The following MEGF11 variants were observed in gnomAD, a reference collection of about 807,000 sequenced individuals.
The protein encoded by MEGF11 is multiple EGF like domains 11.
Under a neutral mutation model 146.6 loss-of-function variants are expected in MEGF11, and 126 were observed. The ratio of observed to expected loss-of-function variants is 0.86; its 90% CI spans 0.74 to 1.00. MEGF11 has a LOEUF of 1.00. MEGF11 is among the 50% of genes least tolerant of loss of function. MEGF11 has a pLI of 0.00. For synonymous variants in MEGF11, 532 were observed against 583.4 expected (o/e 0.91, Z 1.27); for missense variants, 1,509 against 1,521.2 (o/e 0.99, Z 0.13).
intron 1 of MEGF11, among the ~76,000 whole-genome samples, chr15:66,196,304 T>G (rs1054454978): frequency 2.0e-5 from 3 of 152,004 alleles, no homozygotes; most frequent in Non-Finnish European, 4.4e-5. Context: ...AAACCCCGTC[T>G]TTACTAAAAA....
At chr15:66,115,334 A>C (rs1890408093) in intron 4 of MEGF11, among the ~76,000 whole-genome samples, 1 of 152,196 alleles carries the variant, frequency 6.6e-6, no homozygotes, top group Non-Finnish European at 1.5e-5. Flanking sequence ...TCTGTCCCCC[A>C]GTGCCCTGGC....
At chr15:66,200,819 T>G (rs1166563685) in intron 1 of MEGF11, among the ~76,000 whole-genome samples, 1 of 151,592 alleles carries the variant, frequency 6.6e-6, no homozygotes, top group Non-Finnish European at 1.5e-5. Context: ...GAGGTAGGGG[T>G]TGGTGAATCG....
chr15:66,163,365 C>G (rs2090007097), intron 1 of MEGF11, among the ~76,000 whole-genome samples: 1 of 152,024 alleles, frequency 6.6e-6, no homozygotes, highest in African/African-American at 2.4e-5. Flanking sequence ...AGATGGAAAC[C>G]CTAGGAAGGC....
chr15:66,186,251 G>T (rs940439319), intron 1 of MEGF11, among the ~76,000 whole-genome samples: 1 of 152,190 alleles, frequency 6.6e-6, no homozygotes, highest in Non-Finnish European at 1.5e-5. Context: ...CTTCCCCTGG[G>T]GTCTGGAGTG....
At chr15:66,005,441 C>T (rs2082492664) in intron 5 of MEGF11, among the ~76,000 whole-genome samples, 1 of 152,158 alleles carries the variant, frequency 6.6e-6, no homozygotes, top group South Asian at 2.1e-4. Context: ...AAGTGCAATA[C>T]TATAATTAGA....
chr15:65,955,757 A>AT (rs1197755725), intron 10 of MEGF11, among the ~76,000 whole-genome samples: 5 of 13,606 alleles, frequency 3.7e-4, no homozygotes, highest in South Asian at 7.2e-3. Flanking sequence ...AAAAAAAAAA[A>AT]AAAAATATAT....
At chr15:65,994,685 C>T (rs1361274892) in intron 5 of MEGF11, among the ~76,000 whole-genome samples, 1 of 152,164 alleles carries the variant, frequency 6.6e-6, no homozygotes, top group Non-Finnish European at 1.5e-5. Flanking sequence ...GGGATCTGCC[C>T]TCTGGGCTGT....
intron 4 of MEGF11, among the ~76,000 whole-genome samples, chr15:66,114,050 C>A (rs1178889264): frequency 6.6e-6 from 1 of 152,120 alleles, no homozygotes; most frequent in Non-Finnish European, 1.5e-5. Context: ...ATAACAAGTC[C>A]CCCAGGTGAT....
intron 1 of MEGF11, among the ~76,000 whole-genome samples, chr15:66,131,473 A>C (rs1186184849): frequency 2.0e-5 from 3 of 152,214 alleles, no homozygotes; most frequent in Non-Finnish European, 2.9e-5. Flanking sequence ...GGTGTATGCA[A>C]AGGTGGAGGC....
intron 1 of MEGF11, among the ~76,000 whole-genome samples, chr15:66,160,697 ACACACACACC>A (rs1327831012): frequency 1.5e-4 from 23 of 151,334 alleles, no homozygotes; most frequent in African/African-American, 4.1e-4. Context: ...ACACACACAC[ACACACACACC>A]CTTGCCCTAG....
At chr15:65,995,288 C>T (rs928732063) in intron 5 of MEGF11, among the ~76,000 whole-genome samples, 8 of 152,174 alleles carry the variant, frequency 5.3e-5, no homozygotes, top group African/African-American at 1.9e-4. Context: ...GGGGAAAGAC[C>T]AAGTGTCTTG....
At chr15:65,960,188 G>A (rs971065107) in intron 9 of MEGF11, among the ~76,000 whole-genome samples, 4 of 152,158 alleles carry the variant, frequency 2.6e-5, no homozygotes, top group African/African-American at 9.7e-5. Context: ...AATGGCTTTT[G>A]TGCTATCTCT....
chr15:66,107,060 C>CTCCCCT, intron 4 of MEGF11, among the ~76,000 whole-genome samples: 1 of 150,840 alleles, frequency 6.6e-6, no homozygotes, highest in South Asian at 2.1e-4. Flanking sequence ...TCCTACCCCC[C>CTCCCCT]CACCAGGTAT....
chr15:66,148,466 G>C (rs1336094708), intron 1 of MEGF11, among the ~76,000 whole-genome samples: 1 of 152,150 alleles, frequency 6.6e-6, no homozygotes, highest in Non-Finnish European at 1.5e-5. Context: ...GAGGAAAGAG[G>C]GATCAGACAG....
rs1364178959 is a variant in MEGF11, at chr15:66,115,202, G to C, written c.301+3884C>G. On this transcript the variant is annotated intron_variant, in intron 4 of 25. Coordinates refer to ENST00000395614, the MANE Select transcript of MEGF11 (RefSeq NM_001385028.1). The stretch of plus-strand genomic sequence containing the variant: ...CCAGAGAACTCTTGGCATCCGATGG[G>C]TTCTCACCAGGTTCTGGTGAAGTTG... Among the ~76,000 whole-genome samples, 8 of 152,354 alleles carry C rather than the reference G, an allele frequency of 5.3e-5. 1 individual carries two copies. The highest frequency in any genetic ancestry group is 5.2e-4 in the Admixed American group (8 of 15,310).
intron 13 of MEGF11, 109 bp downstream of exon 13, chr15:65,928,316 C>T: frequency 1.6e-6 from 1 of 621,240 alleles, no homozygotes; most frequent in Non-Finnish European, 2.8e-6. Flanking sequence ...AAGATGCATA[C>T]TCAGGGATCA....
In MEGF11 at chr15:65,982,219, CCAGGTCCTGCCGCAT is replaced by C; in HGVS notation, c.641+8_641+22del. On this transcript the variant is annotated splice_region_variant and intron_variant, in intron 6 of 25. Coordinates refer to ENST00000395614, the MANE Select transcript of MEGF11 (RefSeq NM_001385028.1). This position sits in a 1 kb window ranked among gnomAD's most constrained non-coding sequence, Gnocchi z 5.6. ...TCCCGCCCCTCCAGGTCCCGCCCCT[CCAGGTCCTGCCGCAT>C]GACTCACTAGACGCCGGTGTAGCCA... 6.5e-7 allele frequency: 1 copy of C among 1,536,338 alleles called. No homozygotes were observed. Among genetic ancestry groups the C allele is most frequent in the Non-Finnish European group, 8.7e-7 (1 of 1,144,348 alleles).
chr15:66,057,165 C>A (rs1189361594), intron 5 of MEGF11, among the ~76,000 whole-genome samples: 1 of 152,150 alleles, frequency 6.6e-6, no homozygotes, highest in African/African-American at 2.4e-5. Context: ...CCTTCCCATT[C>A]CCCCAACTCC....
chr15:66,085,590 T>C lies in MEGF11; in HGVS notation c.394+8812A>G, dbSNP rs1348147557. ...GATGAGAGACAACAGTCACTGCAAT[T>C]TGGCTTACAGGAAGCCACATCCATA... is the stretch of plus-strand genomic sequence containing the variant. On this transcript the variant is annotated intron_variant, in intron 5 of 25. Transcript: ENST00000395614. Among the ~76,000 whole-genome samples, 4 of 152,216 alleles carry C rather than the reference T, an allele frequency of 2.6e-5. No homozygotes were observed. The East Asian group carries it at 7.7e-4, about 29-fold the overall frequency.
Sources: gnomAD v4.1 joint callset for allele counts (sites outside exome capture counted in the v4.1 genomes callset) on GRCh38, gnomAD v4.1.1 for gene constraint, Gnocchi (gnomAD v3.1) non-coding constraint, MANE v1.5 for transcripts, NCBI Gene and HGNC (gene_info 2026-07-23, HGNC 2026-07-21) for gene names.